L3MBTL4: variants seen among roughly 807,000 people sequenced by gnomAD.
L3MBTL4 encodes L3MBTL histone methyl-lysine binding protein 4, also known as lethal(3)malignant brain tumor-like protein 4.
A neutral mutation model predicts 84.5 loss-of-function variants in L3MBTL4; 70 were observed. The observed-to-expected ratio is 0.83, with a 90% CI of 0.68 to 1.01. The LOEUF is 1.01. Among genes scored for constraint, L3MBTL4 ranks in the 50% least tolerant of loss-of-function variants. The pLI, the probability that L3MBTL4 is intolerant of heterozygous loss-of-function variation, is 0.00. For synonymous variants in L3MBTL4, 274 were observed against 259.8 expected (o/e 1.05, Z -0.52); for missense variants, 715 against 754.8 (o/e 0.95, Z 0.62).
At chr18:6,148,052 G>A (rs2042728994) in intron 13 of L3MBTL4, among the ~76,000 whole-genome samples, 2 of 152,112 alleles carry the variant, frequency 1.3e-5, no homozygotes, top group Admixed American at 6.5e-5. Flanking sequence ...GACTCCAGTC[G>A]AAGCATCTGA....
At chr18:6,301,761 A>G (rs1014615929) in intron 4 of L3MBTL4, 142 bp downstream of exon 4, 1 of 683,576 alleles carries the variant, frequency 1.5e-6, no homozygotes, top group East Asian at 2.7e-5. Flanking sequence ...TCTGCAGAAG[A>G]GTATGCAATA....
At chr18:6,137,822 AG>A (rs1166650226) in intron 14 of L3MBTL4, among the ~76,000 whole-genome samples, 1 of 152,260 alleles carries the variant, frequency 6.6e-6, no homozygotes, top group East Asian at 1.9e-4. Flanking sequence ...AGACAGAAAA[AG>A]AAATAGAGGC....
chr18:6,276,021 C>T (rs1326515221), intron 4 of L3MBTL4, among the ~76,000 whole-genome samples: 2 of 152,182 alleles, frequency 1.3e-5, no homozygotes, highest in Non-Finnish European at 2.9e-5. Context: ...AAAGGACAGA[C>T]AGAACTCAAA....
chr18:6,071,756 AGAAAAAAAGAAAGAAAGAAAG>A (rs1568066516), intron 16 of L3MBTL4, among the ~76,000 whole-genome samples: 6 of 140,920 alleles, frequency 4.3e-5, no homozygotes, highest in Admixed American at 7.2e-5. Context: ...AAAGAAAGAA[AGAAAAAAAGAAAGAAAGAAAG>A]AAAGAAAGAA....
intron 14 of L3MBTL4, among the ~76,000 whole-genome samples, chr18:6,114,830 C>G (rs1015540585): frequency 2.6e-5 from 4 of 152,234 alleles, no homozygotes; most frequent in Non-Finnish European, 5.9e-5. Flanking sequence ...TCACTACATA[C>G]TGCTGCCTTC....
chr18:6,044,867 T>C (rs1212669644), intron 16 of L3MBTL4, among the ~76,000 whole-genome samples: 1 of 152,198 alleles, frequency 6.6e-6, no homozygotes, highest in Non-Finnish European at 1.5e-5. Flanking sequence ...AACTAAGCTA[T>C]TTTTTCCAGT....
At chr18:6,071,621 A>T (rs1446671261) in intron 16 of L3MBTL4, among the ~76,000 whole-genome samples, 2 of 150,160 alleles carry the variant, frequency 1.3e-5, no homozygotes, top group South Asian at 4.3e-4. Context: ...GGGGTGACAG[A>T]GATAGATCCC....
chr18:6,252,491 G>C (rs1362991499), intron 5 of L3MBTL4, among the ~76,000 whole-genome samples: 3 of 152,060 alleles, frequency 2.0e-5, no homozygotes, highest in African/African-American at 2.4e-5. Flanking sequence ...ATACAGATCT[G>C]GAAAGATTTA....
At chr18:6,300,755 A>G (rs1447469330) in intron 4 of L3MBTL4, among the ~76,000 whole-genome samples, 2 of 152,224 alleles carry the variant, frequency 1.3e-5, no homozygotes, top group East Asian at 3.8e-4. Context: ...ATACAACAAC[A>G]TCATAAATCA....
At chr18:6,350,441 T>A (rs2053125949) in intron 1 of L3MBTL4, among the ~76,000 whole-genome samples, 1 of 151,826 alleles carries the variant, frequency 6.6e-6, no homozygotes, top group Non-Finnish European at 1.5e-5. Context: ...GCAAAGAACT[T>A]GAACAGACAT....
intron 1 of L3MBTL4, among the ~76,000 whole-genome samples, chr18:6,361,495 C>T (rs1389687112): frequency 2.6e-5 from 4 of 152,114 alleles, no homozygotes; most frequent in East Asian, 3.9e-4. Flanking sequence ...AATCAGATTC[C>T]GTACCAAGGA....
At chr18:6,118,126 C>G (rs2059411968) in intron 14 of L3MBTL4, among the ~76,000 whole-genome samples, 1 of 151,748 alleles carries the variant, frequency 6.6e-6, no homozygotes, top group Non-Finnish European at 1.5e-5. Flanking sequence ...CCCACTATCA[C>G]CACCTAACCC....
intron 16 of L3MBTL4, among the ~76,000 whole-genome samples, chr18:6,018,635 C>A (rs762683760): frequency 4.6e-5 from 7 of 152,190 alleles, no homozygotes; most frequent in Non-Finnish European, 8.8e-5. Context: ...CATTTCCGCT[C>A]TACTCTGAAT....
intron 13 of L3MBTL4, among the ~76,000 whole-genome samples, chr18:6,149,455 A>G (rs2042797205): frequency 6.6e-6 from 1 of 151,550 alleles, no homozygotes; most frequent in South Asian, 2.1e-4. Flanking sequence ...TCATTGTTGG[A>G]CATTTGGGTT....
intron 13 of L3MBTL4, among the ~76,000 whole-genome samples, chr18:6,143,848 G>A (rs891513126): frequency 2.0e-5 from 3 of 152,054 alleles, no homozygotes; most frequent in East Asian, 1.9e-4. Flanking sequence ...CCAGAACAGC[G>A]ACTGGCAGAT....
intron 14 of L3MBTL4, among the ~76,000 whole-genome samples, chr18:6,111,906 A>G (rs1244669745): frequency 6.6e-6 from 1 of 152,154 alleles, no homozygotes; most frequent in Admixed American, 6.5e-5. Flanking sequence ...GTTATTAACT[A>G]GAGTCGACAT....
At chr18:6,288,206 T>C (rs908060096) in intron 4 of L3MBTL4, among the ~76,000 whole-genome samples, 3 of 152,244 alleles carry the variant, frequency 2.0e-5, no homozygotes, top group African/African-American at 7.2e-5. Flanking sequence ...TGTGTATGTA[T>C]ATGTGTTTAG....
chr18:6,353,320 T>C (rs2053288347), intron 1 of L3MBTL4, among the ~76,000 whole-genome samples: 1 of 151,972 alleles, frequency 6.6e-6, no homozygotes, highest in Admixed American at 6.6e-5. Context: ...TCATCACTTA[T>C]ATAATATTCT....
At chr18:6,115,897 G>A (rs1598800217) in intron 14 of L3MBTL4, among the ~76,000 whole-genome samples, 1 of 152,170 alleles carries the variant, frequency 6.6e-6, no homozygotes. Flanking sequence ...GTGGGGCCCA[G>A]GCCTCTGTTT....
Sources: gnomAD v4.1 joint callset for allele counts (sites outside exome capture counted in the v4.1 genomes callset) on GRCh38, gnomAD v4.1.1 for gene constraint, MANE v1.5 for transcripts, NCBI Gene and HGNC (gene_info 2026-07-23, HGNC 2026-07-21) for gene names.